Variants in CDON observed in about 807,000 individuals in gnomAD.
The protein encoded by CDON is cell adhesion associated, oncogene regulated.
In CDON, 73 loss-of-function variants were observed where a neutral mutation model predicts 120.9. The ratio of observed to expected loss-of-function variants is 0.60; its 90% CI spans 0.50 to 0.73. CDON has a LOEUF of 0.73. Ranked by LOEUF, CDON falls within the 30% of genes least tolerant of loss-of-function variation. The pLI, the probability that CDON is intolerant of heterozygous loss-of-function variation, is 0.00. For synonymous variants in CDON, 566 were observed against 573.5 expected, an observed-to-expected ratio of 0.99 and a Z score of 0.19; for missense variants, 1,470 against 1,587.3, an observed-to-expected ratio of 0.93 and a Z score of 1.26.
intron 18 of CDON, among the ~76,000 whole-genome samples, chr11:125,971,066 T>A (rs776631322): frequency 1.3e-5 from 2 of 151,980 alleles, no homozygotes; most frequent in Admixed American, 6.6e-5. Context: ...ACTGGGTAGA[T>A]CAAACCTTAG....
At chr11:126,001,246 G>C (rs2134568201) in intron 11 of CDON, among the ~76,000 whole-genome samples, 1 of 150,234 alleles carries the variant, frequency 6.7e-6, no homozygotes, top group South Asian at 2.1e-4. Flanking sequence ...GGAGTGCGGT[G>C]GTGTGATCTC....
chr11:125,993,188 T>TA (rs1179518098), intron 14 of CDON, among the ~76,000 whole-genome samples: 1 of 152,190 alleles, frequency 6.6e-6, no homozygotes, highest in Non-Finnish European at 1.5e-5. Flanking sequence ...TGAATATCGT[T>TA]AGAGATTCCC....
chr11:126,033,425 G>A (rs1948003512), intron 1 of CDON, among the ~76,000 whole-genome samples: 1 of 152,102 alleles, frequency 6.6e-6, no homozygotes, highest in African/African-American at 2.4e-5. Flanking sequence ...GGCTCAGGCT[G>A]AATCCCAAAA....
At position 125,958,595 on chromosome 11, in the gene CDON, A is replaced by C. The variant is rs58515733; in HGVS notation, c.*2347T>G. 1 of 109,870 alleles carries C rather than the reference A, an allele frequency of 9.1e-6. No individual in the cohort carries two copies. Among genetic ancestry groups the C allele is most frequent in the Non-Finnish European group, 1.8e-5 (1 of 54,440 alleles). 6.8% of individuals were successfully genotyped at this position (109,870 alleles called of 1,614,324 possible). On this transcript the variant is annotated 3_prime_UTR_variant, in exon 20 of 20. Coordinates refer to ENST00000531738, the MANE Select transcript of CDON (RefSeq NM_001378964.1). ...TGTGTGTGTGTGTGTGTGTGTGTTT[A>C]TATATATATATTTATATATTTCAAT...
intron 14 of CDON, among the ~76,000 whole-genome samples, chr11:125,994,055 G>A (rs1183839490): frequency 6.6e-6 from 1 of 152,172 alleles, no homozygotes; most frequent in South Asian, 2.1e-4. Flanking sequence ...AACTACTACT[G>A]ATTAATCATA....
intron 10 of CDON, among the ~76,000 whole-genome samples, chr11:126,002,638 G>A (rs958815382): frequency 8.5e-5 from 13 of 152,110 alleles, no homozygotes; most frequent in Admixed American, 3.9e-4. Context: ...CTTCCTCTGT[G>A]CTTCCCCAGC....
At chr11:126,054,317 C>T (rs758533769) in intron 1 of CDON, among the ~76,000 whole-genome samples, 100 of 152,256 alleles carry the variant, frequency 6.6e-4, no homozygotes, top group Middle Eastern at 3.4e-3. Flanking sequence ...GCTCTCTGGG[C>T]ACTGAATAAT....
rs1002338849 is a variant in CDON at position 126,010,442 on chromosome 11, G to C, written c.1451C>G (p.Ser484Cys). The C allele has an allele frequency of 2.5e-6, 4 of 1,613,988 alleles. No individual in the cohort carries two copies. The highest frequency in any genetic ancestry group is 2.5e-6 in the Non-Finnish European group (3 of 1,180,004). Residue 484 changes from serine (S) to cysteine (C), a missense_variant, in exon 8 of 20, where the codon TCT becomes TGT. Coordinates refer to ENST00000531738, the MANE Select transcript of CDON (RefSeq NM_001378964.1). Reference sequence around the variant, plus strand: ...CTGAGTCACAGCCTGAATATGGAGAGAGCTTGCACCAGCTTGGGACAGGAC... The same window carrying C: ...CTGAGTCACAGCCTGAATATGGAGACAGCTTGCACCAGCTTGGGACAGGAC... ...YFVLSQAGASSLHIQAVTQEH... is the reference protein window; with the variant it reads ...YFVLSQAGASCLHIQAVTQEH...
chr11:126,060,463 C>A (rs1355179182), intron 1 of CDON, among the ~76,000 whole-genome samples: 1 of 152,116 alleles, frequency 6.6e-6, no homozygotes, highest in Non-Finnish European at 1.5e-5. Flanking sequence ...TAACGCTTCC[C>A]TGATTTTTAC....
intron 11 of CDON, 85 bp downstream of exon 11, chr11:126,001,634 A>T: frequency 1.7e-6 from 2 of 1,158,104 alleles, no homozygotes; most frequent in South Asian, 2.5e-5. Flanking sequence ...GAAAATAAAC[A>T]AACACCCTAT....
rs773071096 is a variant in CDON, at chr11:126,018,479, G to A, written c.497-6C>T. On this transcript the variant is annotated splice_polypyrimidine_tract_variant and splice_region_variant and intron_variant, in intron 4 of 19. Transcript: ENST00000531738. ...TGGAAGGATTAAGTAATTCTCTGAG[G>A]AAGGAAGGGAGTGCAGTTAGGCCTC... 1.9e-6 allele frequency: 3 copies of A among 1,613,322 alleles called. No individual in the cohort carries two copies. The Admixed American group carries it at 5.0e-5, about 27-fold the overall frequency.
intron 2 of CDON, 55 bp from the exon 3 acceptor site, chr11:126,021,575 G>C (rs543629196): frequency 8.3e-5 from 113 of 1,356,976 alleles, no homozygotes; most frequent in Non-Finnish European, 1.1e-4. Flanking sequence ...AGAGGAGAGA[G>C]AAAGAAGATT....
chr11:125,979,964 T>C (rs1946249139), intron 17 of CDON, among the ~76,000 whole-genome samples: 1 of 152,180 alleles, frequency 6.6e-6, no homozygotes, highest in Non-Finnish European at 1.5e-5. Flanking sequence ...TATGAGTATA[T>C]ATTAGTTTTG....
At chr11:126,053,504 C>T (rs112786765) in intron 1 of CDON, among the ~76,000 whole-genome samples, 4 of 152,062 alleles carry the variant, frequency 2.6e-5, no homozygotes, top group African/African-American at 4.8e-5. Flanking sequence ...CAAATCCAAC[C>T]GCTCTGATCG....
chr11:125,988,707 T>G (rs1455321733), intron 15 of CDON, among the ~76,000 whole-genome samples: 1 of 152,212 alleles, frequency 6.6e-6, no homozygotes, highest in East Asian at 1.9e-4. Context: ...ATTGTTCCCC[T>G]GTGGTGTCTT....
chr11:126,033,844 T>C (rs1311866028), intron 1 of CDON, among the ~76,000 whole-genome samples: 2 of 152,154 alleles, frequency 1.3e-5, no homozygotes, highest in African/African-American at 2.4e-5. Flanking sequence ...TGCTACTCTC[T>C]GGGGCGTATG....
intron 1 of CDON, among the ~76,000 whole-genome samples, chr11:126,033,467 T>C (rs1012635468): frequency 7.8e-4 from 118 of 152,194 alleles, no homozygotes; most frequent in Admixed American, 7.7e-3. Flanking sequence ...AAACTCCTCA[T>C]TCAAAATAAA....
intron 15 of CDON, among the ~76,000 whole-genome samples, chr11:125,987,524 A>G (rs575059501): frequency 1.3e-5 from 2 of 152,380 alleles, no homozygotes; most frequent in South Asian, 4.1e-4. Context: ...AAGTCATTCA[A>G]TATGAATAGT....
At chr11:126,008,700 T>A (rs1201952027) in intron 8 of CDON, among the ~76,000 whole-genome samples, 2 of 152,190 alleles carry the variant, frequency 1.3e-5, no homozygotes, top group African/African-American at 4.8e-5. Flanking sequence ...ACACCTGTCA[T>A]GCAGTTAACA....
Sources: allele counts gnomAD v4.1 joint callset (sites outside exome capture counted in the v4.1 genomes callset), GRCh38; gene constraint gnomAD v4.1.1; transcripts MANE v1.5; gene names NCBI Gene and HGNC (gene_info 2026-07-23, HGNC 2026-07-21).